KLHL31: variants seen among roughly 807,000 people sequenced by gnomAD.
KLHL31 encodes the protein kelch like family member 31, also known as kelch-like protein 31.
Under a neutral mutation model 47.1 loss-of-function variants are expected in KLHL31, and 32 were observed. The observed-to-expected ratio is 0.68, with a 90% CI of 0.51 to 0.91. KLHL31 has a LOEUF of 0.91. KLHL31 is among the 40% of genes least tolerant of loss of function. The pLI is 0.00. For missense variants in KLHL31, 797 were observed against 819.3 expected (o/e 0.97, Z 0.33); for synonymous variants, 330 against 325.1 (o/e 1.01, Z -0.16).
chr6:53,651,420 G>A lies in KLHL31; in HGVS notation c.*178C>T, dbSNP rs200821430. On this transcript the variant is annotated 3_prime_UTR_variant, in exon 3 of 3. Transcript: ENST00000370905. ...TTGCTAAAAAAAAAAAAAAAAAAAA[G>A]AGGTAGATTATGCCATACCAGGAAT... The A allele has an allele frequency of 0.012, 480 of 38,542 alleles. 2 individuals carry two copies. Among genetic ancestry groups the A allele is most frequent in the South Asian group, 0.044 (54 of 1,220 alleles). 2.4% of individuals were successfully genotyped at this position (38,542 alleles called of 1,614,324 possible).
chr6:53,660,638 AC>A (rs1764631094), intron 1 of KLHL31, among the ~76,000 whole-genome samples: 1 of 152,126 alleles, frequency 6.6e-6, no homozygotes, highest in African/African-American at 2.4e-5. Context: ...ACATGGCGAA[AC>A]CCTGTCTCTA....
At chr6:53,652,925 T>C (rs1009402921) in intron 2 of KLHL31, among the ~76,000 whole-genome samples, 1 of 152,228 alleles carries the variant, frequency 6.6e-6, no homozygotes, top group African/African-American at 2.4e-5. Flanking sequence ...TCTTGTCTGT[T>C]AGACTGAGAC....
Position 53,654,523 on chromosome 6 carries a change from G to C in KLHL31, c.750C>G (p.Tyr250Ter). 2 of 1,614,160 alleles carry C rather than the reference G, an allele frequency of 1.2e-6. No individual in the cohort carries two copies. Among genetic ancestry groups the C allele is most frequent in the Non-Finnish European group, 1.7e-6 (2 of 1,180,028 alleles). Residue 250 changes from tyrosine (Y) to a stop codon, truncating the protein, a stop_gained, in exon 2 of 3, where the codon TAC becomes TAG. Coordinates refer to ENST00000370905, the MANE Select transcript of KLHL31 (RefSeq NM_001003760.5). LOFTEE classifies it high-confidence loss of function. ...WLEFDQKRVK[Y>*]AADLLSNIRF... ...GAATATTGCTCAAAAGATCTGCAGCGTATTTTACTCTCTTTTGGTCAAATT... is the reference window on the plus strand; with the variant it reads ...GAATATTGCTCAAAAGATCTGCAGCCTATTTTACTCTCTTTTGGTCAAATT...
At position 53,654,694 on chromosome 6, in the gene KLHL31, T is replaced by C. The variant is rs1330978207; in HGVS notation, c.579A>G (p.Lys193=). ...ATTCAAGGAAGTTATCCCGAATAAA[T>C]TTCTGGGCTGCTGCTTTTGCATTTT... ...SLKNAKAAAQ[K]FIRDNFLEFA... The change falls in exon 2 of 3, where the codon AAA becomes AAG. Residue 193 remains lysine, a synonymous_variant. Transcript: ENST00000370905. 1 of 1,614,200 alleles carries C rather than the reference T, an allele frequency of 6.2e-7. No homozygotes were observed.
chr6:53,654,061 A>C (rs755354681), intron 2 of KLHL31, 40 bp downstream of exon 2: 2 of 1,495,174 alleles, frequency 1.3e-6, no homozygotes, highest in Non-Finnish European at 1.8e-6. Context: ...ATTTCCCTAT[A>C]ATATTGAGCC....
At position 53,649,896 on chromosome 6, in the gene KLHL31, T is replaced by A. The variant is rs919847718; in HGVS notation, c.*1702A>T. The A allele has an allele frequency of 6.6e-6, 1 of 152,220 alleles. No individual in the cohort carries two copies. The highest frequency in any genetic ancestry group is 6.5e-5 in the Admixed American group (1 of 15,294). 9.4% of individuals were successfully genotyped at this position (152,220 alleles called of 1,614,324 possible). ...AAACAGCCCAGCGCTTTTACATTAA[T>A]AATATCTTGTTCTTAATTTACAGCG... On this transcript the variant is annotated 3_prime_UTR_variant, in exon 3 of 3. Transcript: ENST00000370905.
chr6:53,655,155 C>T lies in KLHL31; in HGVS notation c.118G>A (p.Gly40Ser). ...LNALNGLLEGGNGLSCISSEL... is the reference protein window; with the variant it reads ...LNALNGLLEGSNGLSCISSEL... ...GAAGAAATGCAGCTAAGGCCATTGCCTCCCTCTAGGAGCCCATTCAAAGCA... is the reference window on the plus strand; with the variant it reads ...GAAGAAATGCAGCTAAGGCCATTGCTTCCCTCTAGGAGCCCATTCAAAGCA... The change falls in exon 2 of 3, where the codon GGC becomes AGC. Residue 40 changes from glycine to serine, a missense_variant. By Grantham distance (56) the Gly-to-Ser change is moderately conservative. Coordinates refer to ENST00000370905, the MANE Select transcript of KLHL31 (RefSeq NM_001003760.5). 6.2e-7 allele frequency: 1 copy of T among 1,614,164 alleles called. No individual in the cohort carries two copies. The highest frequency in any genetic ancestry group is 1.1e-5 in the South Asian group (1 of 91,076).
At chr6:53,655,574 T>G (rs1386222733) in intron 1 of KLHL31, among the ~76,000 whole-genome samples, 1 of 151,522 alleles carries the variant, frequency 6.6e-6, no homozygotes, top group Non-Finnish European at 1.5e-5. Context: ...ATAGAAAAAG[T>G]GACCACATTT....
In KLHL31 at chr6:53,651,598, TCA is replaced by T. The variant is rs1219152956; in HGVS notation, c.1903_1904del (p.Ter635SerfsTer21). 2 of 1,609,080 alleles carry T rather than the reference TCA, an allele frequency of 1.2e-6. No individual in the cohort carries two copies. The highest frequency in any genetic ancestry group is 3.3e-5 in the Admixed American group (2 of 59,928). On this transcript the variant is annotated frameshift_variant and stop_lost, in exon 3 of 3. Transcript: ENST00000370905. LOFTEE classifies it high-confidence loss of function. ...SSVSSVPVSI* is the reference protein window; with the variant it reads ...SSVSSVPVSIX ...CCTGCGTCCCTGCATCTACCTGGGC[TCA>T]GATACTGACTGGCACAGAAGATACC... is the stretch of plus-strand genomic sequence containing the variant.
chr6:53,656,931 C>CTTTTTTTTTT lies in KLHL31; in HGVS notation c.-33-1636_-33-1627dup, dbSNP rs10665063. ...AGACTGGGAAAACAAGTATTTTTAA[C>CTTTTTTTTTT]TTTTTTTTTTTTTTTTTTTGAGATC... On this transcript the variant is annotated intron_variant, in intron 1 of 2. Coordinates refer to ENST00000370905, the MANE Select transcript of KLHL31 (RefSeq NM_001003760.5). Among the ~76,000 whole-genome samples the CTTTTTTTTTT allele has an allele frequency of 9.8e-4, 96 of 98,424 alleles. 4 individuals are homozygous for CTTTTTTTTTT. The highest frequency in any genetic ancestry group is 1.4e-3 in the Non-Finnish European group (77 of 53,118). 64.6% of individuals were successfully genotyped at this position (98,424 alleles called of 152,430 possible).
In KLHL31 at chr6:53,654,669, A is replaced by C. The variant is rs1366576232; in HGVS notation, c.604T>G (p.Phe202Val). ...QKFIRDNFLE[F>V]AESDQFMKLT... ...TTCATAAACTGATCCGATTCTGCAAATTCAAGGAAGTTATCCCGAATAAAT... is the reference window on the plus strand; with the variant it reads ...TTCATAAACTGATCCGATTCTGCAACTTCAAGGAAGTTATCCCGAATAAAT... Residue 202 changes from phenylalanine to valine, a missense_variant, in exon 2 of 3, where the codon TTT (phenylalanine) becomes GTT (valine). Coordinates refer to ENST00000370905, the MANE Select transcript of KLHL31 (RefSeq NM_001003760.5). The C allele has an allele frequency of 6.2e-7, 1 of 1,614,090 alleles. No individual in the cohort carries two copies. The highest frequency in any genetic ancestry group is 2.2e-5 in the East Asian group (1 of 44,898).
intron 1 of KLHL31, 63 bp from the exon 2 acceptor site, chr6:53,655,368 C>T: frequency 1.4e-6 from 1 of 722,788 alleles, no homozygotes; most frequent in Non-Finnish European, 2.1e-6. Context: ...TGAAATACTA[C>T]ATTGAGAAAC....
chr6:53,654,367 G>A lies in KLHL31; in HGVS notation c.906C>T (p.Asn302=). 1 of 1,614,216 alleles carries A rather than the reference G, an allele frequency of 6.2e-7. No individual in the cohort carries two copies. The highest frequency in any genetic ancestry group is 8.5e-7 in the Non-Finnish European group (1 of 1,180,048). The change falls in exon 2 of 3, where the codon AAC becomes AAT. Residue 302 remains asparagine, a synonymous_variant. Coordinates refer to ENST00000370905, the MANE Select transcript of KLHL31 (RefSeq NM_001003760.5). ...MNYHLLPYHQ[N]TLQSRRTRIR... The stretch of plus-strand genomic sequence containing the variant: ...TTCTTGTTCGCCTAGATTGCAATGT[G>A]TTTTGATGATATGGAAGCAAGTGGT...
intron 1 of KLHL31, among the ~76,000 whole-genome samples, chr6:53,657,515 T>C (rs1764580045): frequency 6.6e-6 from 1 of 152,210 alleles, no homozygotes; most frequent in African/African-American, 2.4e-5. Context: ...CGGTGCATAG[T>C]AATGCATAGT....
At position 53,652,055 on chromosome 6, in the gene KLHL31, A is replaced by G. The variant is rs778875277; in HGVS notation, c.1448T>C (p.Val483Ala). The change falls in exon 3 of 3, where the codon GTG becomes GCG. Residue 483 changes from valine to alanine, a missense_variant. Physicochemically the swap from Val to Ala is moderately conservative, Grantham distance 64. Coordinates refer to ENST00000370905, the MANE Select transcript of KLHL31 (RefSeq NM_001003760.5). ...GTCGCTGGCCGGGTCGTAGGCGCAC[A>G]CAGAGCGCGAGTAGGCGTTGGCTAT... ...GYIANAYSRSVCAYDPASDSW... is the reference protein window; with the variant it reads ...GYIANAYSRSACAYDPASDSW... 1 of 1,595,294 alleles carries G rather than the reference A, an allele frequency of 6.3e-7. No homozygotes were observed. Among genetic ancestry groups the G allele is most frequent in the East Asian group, 2.2e-5 (1 of 44,620 alleles).
intron 2 of KLHL31, 124 bp from the exon 3 acceptor site, chr6:53,652,454 C>T: frequency 8.5e-7 from 1 of 1,176,420 alleles, no homozygotes; most frequent in South Asian, 1.4e-5. Context: ...CCTGGCCCAG[C>T]ACCTCACCTG....
Position 53,654,547 on chromosome 6 carries a change from T to C in KLHL31, c.726A>G (p.Glu242=). 1 of 1,614,206 alleles carries C rather than the reference T, an allele frequency of 6.2e-7. No individual in the cohort carries two copies. Among genetic ancestry groups the C allele is most frequent in the Non-Finnish European group, 8.5e-7 (1 of 1,180,028 alleles). The change falls in exon 2 of 3, where the codon GAA becomes GAG. Residue 242 remains glutamate (E), a synonymous_variant. Coordinates refer to ENST00000370905, the MANE Select transcript of KLHL31 (RefSeq NM_001003760.5). ...VAFQIAMKWL[E]FDQKRVKYAA... ...CGTATTTTACTCTCTTTTGGTCAAA[T>C]TCTAACCATTTCATTGCAATCTGGA... is the stretch of plus-strand genomic sequence containing the variant.
intron 2 of KLHL31, 65 bp from the exon 3 acceptor site, chr6:53,652,395 C>T (rs780466016): frequency 2.5e-6 from 4 of 1,596,728 alleles, no homozygotes; most frequent in South Asian, 1.1e-5. Context: ...TGTTACTTTG[C>T]AAATCATGAG....
intron 2 of KLHL31, 141 bp downstream of exon 2, chr6:53,653,960 C>G: frequency 1.5e-6 from 1 of 652,684 alleles, no homozygotes; most frequent in Non-Finnish European, 2.6e-6. Context: ...AAGTGCTGAA[C>G]ATACGTAAGG....
Sources: gnomAD v4.1 joint callset for allele counts (sites outside exome capture counted in the v4.1 genomes callset) on GRCh38, gnomAD v4.1.1 for gene constraint, MANE v1.5 for transcripts, NCBI Gene and HGNC (gene_info 2026-07-23, HGNC 2026-07-21) for gene names.